The following FBN1 variants were observed in gnomAD, a reference collection of about 807,000 sequenced individuals.
FBN1 encodes the protein fibrillin-1.
Under a neutral mutation model 365.1 loss-of-function variants are expected in FBN1, and 29 were observed. The observed-to-expected ratio is 0.08, with a 90% CI of 0.06 to 0.11. FBN1 has a LOEUF of 0.11. Ranked by LOEUF, FBN1 falls within the 10% of genes least tolerant of loss-of-function variation. The probability of loss-of-function intolerance (pLI) is 1.00; values close to 1 mark genes in which losing one functional copy is unlikely to be tolerated. For missense variants in FBN1, 2,476 were observed against 3,703.2 expected (o/e 0.67, Z 8.60); for synonymous variants, 1,210 against 1,270.5 (o/e 0.95, Z 1.01).
Position 48,561,537 on chromosome 15 carries a change from T to C in FBN1, c.539-23729A>G, listed in dbSNP as rs374946314. ...CTGAATATTCATCCAGCAAGGTTTT[T>C]ATGAAAACACAAGTAAATAGAACAT... On this transcript the variant is annotated intron_variant, in intron 6 of 65. Coordinates refer to ENST00000316623, the MANE Select transcript of FBN1 (RefSeq NM_000138.5). 3.3e-5 allele frequency among the ~76,000 whole-genome samples: 5 copies of C among 152,310 alleles called. No homozygotes were observed. In the East Asian group the frequency reaches 9.6e-4, roughly 29 times the overall value.
chr15:48,510,150 C>T lies in FBN1; in HGVS notation c.1608G>A (p.Gln536=). 1 of 1,613,326 alleles carries T rather than the reference C, an allele frequency of 6.2e-7. No homozygotes were observed. Among genetic ancestry groups the T allele is most frequent in the Non-Finnish European group, 8.5e-7 (1 of 1,179,490 alleles). The part of the protein sequence containing the change: ...TECRDIDECL[Q]NGRICNNGRC... ...GTCCATTATTGCAGATCCGGCCATT[C>T]TGTAAACACTCATCAATGTCTAAAA... The change falls in exon 14 of 66, where the codon CAG becomes CAA. Residue 536 remains glutamine (Q), a synonymous_variant. Transcript: ENST00000316623.
At chr15:48,471,085 T>A (rs2043371697) in intron 35 of FBN1, among the ~76,000 whole-genome samples, 1 of 152,168 alleles carries the variant, frequency 6.6e-6, no homozygotes, top group Non-Finnish European at 1.5e-5. Flanking sequence ...AAATTCGTTT[T>A]TTTTTTTTAA....
At chr15:48,497,150 T>C (rs1385140742) in intron 19 of FBN1, 116 bp downstream of exon 19, 4 of 1,179,728 alleles carry the variant, frequency 3.4e-6, no homozygotes, top group Admixed American at 1.7e-5. Context: ...ACATCCGAAG[T>C]ATAAAGTGTC....
Position 48,460,202 on chromosome 15 carries a change from A to T in FBN1, c.5296+44T>A, listed in dbSNP as rs758016313. 36 of 1,470,220 alleles carry T rather than the reference A, an allele frequency of 2.4e-5. No individual in the cohort carries two copies. In the Middle Eastern group the frequency reaches 5.1e-4, roughly 21 times the overall value. 91.1% of individuals were successfully genotyped at this position (1,470,220 alleles called of 1,614,324 possible). A position where few individuals can be genotyped will look rare whatever the true frequency, so the allele number is the denominator to read the frequency against. ...GAACTGAAAAAATAATGCTAACACA[A>T]AGGCAAAAAACCAGAAAGTTCTGAC... On this transcript the variant is annotated intron_variant, in intron 43 of 65. Transcript: ENST00000316623.
intron 64 of FBN1, 89 bp from the exon 65 acceptor site, chr15:48,412,832 C>A: frequency 2.0e-6 from 3 of 1,486,696 alleles, no homozygotes; most frequent in Non-Finnish European, 2.8e-6. Flanking sequence ...CTGTTCCTTG[C>A]AGTTGTGAGA....
chr15:48,455,528 C>A (rs529718348), intron 44 of FBN1, among the ~76,000 whole-genome samples: 2 of 152,338 alleles, frequency 1.3e-5, no homozygotes, highest in South Asian at 4.1e-4. Context: ...AGGCAGCCAA[C>A]TCTAGCACTG....
At chr15:48,530,289 C>T (rs914555800) in intron 8 of FBN1, among the ~76,000 whole-genome samples, 1 of 147,780 alleles carries the variant, frequency 6.8e-6, no homozygotes, top group Non-Finnish European at 1.5e-5. Context: ...GCATCCGCCG[C>T]CTGATCACAA....
intron 6 of FBN1, among the ~76,000 whole-genome samples, chr15:48,564,503 AG>A (rs2044245774): frequency 9.4e-6 from 1 of 106,280 alleles, no homozygotes; most frequent in Admixed American, 7.9e-5. Context: ...TCAGTGATTC[AG>A]GACTTTTTTT....
intron 2 of FBN1, among the ~76,000 whole-genome samples, chr15:48,627,404 C>T (rs149035070): frequency 2.6e-5 from 4 of 152,306 alleles, no homozygotes; most frequent in East Asian, 1.9e-4. Context: ...ACATGCTCAA[C>T]GTTTGAGGGA....
chr15:48,463,037 A>G, intron 42 of FBN1, 45 bp downstream of exon 42: 5 of 1,577,936 alleles, frequency 3.2e-6, no homozygotes, highest in Non-Finnish European at 4.4e-6. Context: ...ATTCATGGGT[A>G]ATTTTTCAAC....
At chr15:48,444,743 T>C (rs1351426994) in intron 48 of FBN1, 83 bp from the exon 49 acceptor site, 1 of 1,452,560 alleles carries the variant, frequency 6.9e-7, no homozygotes, top group Non-Finnish European at 9.6e-7. Flanking sequence ...AAAACTAGAA[T>C]GAATCAAAGA....
At chr15:48,519,512 G>T (rs1431000533) in intron 10 of FBN1, among the ~76,000 whole-genome samples, 1 of 152,228 alleles carries the variant, frequency 6.6e-6, no homozygotes, top group Non-Finnish European at 1.5e-5. Context: ...TCATGCCATA[G>T]TGATAGTACC....
intron 11 of FBN1, 52 bp downstream of exon 11, chr15:48,516,131 T>A: frequency 2.0e-6 from 3 of 1,499,988 alleles, no homozygotes; most frequent in East Asian, 2.3e-5. Context: ...AATAAAAAAA[T>A]GTTAACTTGA....
intron 43 of FBN1, among the ~76,000 whole-genome samples, chr15:48,459,699 C>T (rs755547004): frequency 1.3e-5 from 2 of 152,244 alleles, no homozygotes; most frequent in Admixed American, 6.5e-5. Flanking sequence ...GATTCTTGCA[C>T]AAGCATCTCT....
At chr15:48,468,134 G>A in intron 37 of FBN1, 32 bp from the exon 38 acceptor site, 1 of 1,613,294 alleles carries the variant, frequency 6.2e-7, no homozygotes. Flanking sequence ...AAAAGCATCA[G>A]GCAGAATCTT....
chr15:48,452,989 G>C (rs1409688133), intron 44 of FBN1, among the ~76,000 whole-genome samples: 1 of 152,188 alleles, frequency 6.6e-6, no homozygotes, highest in Non-Finnish European at 1.5e-5. Context: ...AGGTGCGGTT[G>C]CTCACACCTG....
intron 32 of FBN1, 26 bp from the exon 33 acceptor site, chr15:48,474,676 A>C (rs773353600): frequency 6.2e-7 from 1 of 1,614,052 alleles, no homozygotes; most frequent in Admixed American, 1.7e-5. Flanking sequence ...GTGATTTAGA[A>C]AAAGGCTCAG....
chr15:48,433,460 A>G (rs903744680), intron 54 of FBN1, among the ~76,000 whole-genome samples: 2 of 152,176 alleles, frequency 1.3e-5, no homozygotes, highest in African/African-American at 4.8e-5. Context: ...TCCCCCAAAC[A>G]AAGAGGCTCC....
At chr15:48,550,874 C>T (rs2044135719) in intron 6 of FBN1, among the ~76,000 whole-genome samples, 1 of 152,134 alleles carries the variant, frequency 6.6e-6, no homozygotes, top group African/African-American at 2.4e-5. Context: ...AGATTGTGAG[C>T]CTTAAGGATA....
Sources: allele counts gnomAD v4.1 joint callset (sites outside exome capture counted in the v4.1 genomes callset), GRCh38; gene constraint gnomAD v4.1.1; transcripts MANE v1.5; gene names NCBI Gene and HGNC (gene_info 2026-07-23, HGNC 2026-07-21).